LRRTM4: variants seen among roughly 807,000 people sequenced by gnomAD.
LRRTM4 encodes the protein leucine-rich repeat transmembrane neuronal protein 4.
Under a neutral mutation model 47.6 loss-of-function variants are expected in LRRTM4, and 25 were observed. That is an observed-to-expected ratio of 0.53 (90% confidence interval 0.38 to 0.73). The LOEUF is 0.73. Among genes scored for constraint, LRRTM4 ranks in the 30% least tolerant of loss-of-function variants. The pLI, the probability that LRRTM4 is intolerant of heterozygous loss-of-function variation, is 0.00. For synonymous variants in LRRTM4, 311 were observed against 269.5 expected (o/e 1.15, Z -1.51); for missense variants, 638 against 713.4 (o/e 0.89, Z 1.20).
At chr2:77,232,435 C>T (rs192419254) in intron 3 of LRRTM4, among the ~76,000 whole-genome samples, 115 of 152,336 alleles carry the variant, frequency 7.5e-4, no homozygotes, top group Middle Eastern at 6.8e-3. Context: ...CAGGCAAGCG[C>T]TACAGAGCAT....
At chr2:76,837,365 T>G (rs75088183) in intron 3 of LRRTM4, among the ~76,000 whole-genome samples, 38,364 of 151,770 alleles carry the variant, frequency 0.25, 5,217 homozygotes, top group East Asian at 0.4. Context: ...AGGGTTTTTT[T>G]TGTCTCTATT....
At chr2:76,983,436 A>G (rs1676682158) in intron 3 of LRRTM4, among the ~76,000 whole-genome samples, 1 of 151,924 alleles carries the variant, frequency 6.6e-6, no homozygotes, top group Non-Finnish European at 1.5e-5. Context: ...GGTAGTGAAT[A>G]AGTCTCAGGA....
intron 3 of LRRTM4, among the ~76,000 whole-genome samples, chr2:77,367,618 G>A (rs1190610795): frequency 6.6e-6 from 1 of 151,730 alleles, no homozygotes; most frequent in Non-Finnish European, 1.5e-5. Flanking sequence ...TACTCTTTCT[G>A]AGCATTCCAA....
chr2:77,449,027 C>T (rs1471642832), intron 3 of LRRTM4, among the ~76,000 whole-genome samples: 1 of 152,078 alleles, frequency 6.6e-6, no homozygotes, highest in Non-Finnish European at 1.5e-5. Flanking sequence ...TGACATGCAT[C>T]ATGATTCCTA....
chr2:77,492,436 T>G (rs1332123020), intron 3 of LRRTM4, among the ~76,000 whole-genome samples: 1 of 152,058 alleles, frequency 6.6e-6, no homozygotes, highest in Admixed American at 6.6e-5. Flanking sequence ...TCTTTTAATT[T>G]TGTGTGGAGA....
chr2:76,763,364 G>C (rs890029187), intron 3 of LRRTM4, among the ~76,000 whole-genome samples: 2 of 152,194 alleles, frequency 1.3e-5, no homozygotes, highest in Admixed American at 6.5e-5. Flanking sequence ...GTGGGTTCCT[G>C]ATCTGCTAGA....
intron 3 of LRRTM4, among the ~76,000 whole-genome samples, chr2:77,115,367 A>G (rs1169514806): frequency 6.6e-6 from 1 of 152,154 alleles, no homozygotes; most frequent in Non-Finnish European, 1.5e-5. Context: ...TAGATTTCAT[A>G]TTGTTCGAAC....
At chr2:76,796,279 A>G (rs1160879295) in intron 3 of LRRTM4, among the ~76,000 whole-genome samples, 2 of 73,522 alleles carry the variant, frequency 2.7e-5, no homozygotes, top group East Asian at 9.4e-4. Context: ...TAGGTAAACA[A>G]AGCAGCCAGG....
chr2:76,985,761 A>G (rs570042130), intron 3 of LRRTM4, among the ~76,000 whole-genome samples: 20 of 151,960 alleles, frequency 1.3e-4, no homozygotes, highest in Non-Finnish European at 2.1e-4. Flanking sequence ...TTTGAATGGC[A>G]TTGTGTTTGT....
intron 3 of LRRTM4, among the ~76,000 whole-genome samples, chr2:76,987,907 T>G (rs13398903): frequency 0.013 from 2,023 of 151,968 alleles, 36 homozygotes; most frequent in African/African-American, 0.046. Context: ...GAGCTGAATA[T>G]TGGTGAGTAC....
intron 3 of LRRTM4, among the ~76,000 whole-genome samples, chr2:77,155,856 A>T (rs1157200812): frequency 6.6e-6 from 1 of 152,138 alleles, no homozygotes; most frequent in East Asian, 1.9e-4. Context: ...ACAGTAAAAA[A>T]TATCTATCAC....
intron 3 of LRRTM4, among the ~76,000 whole-genome samples, chr2:77,510,888 T>A (rs926832476): frequency 6.6e-6 from 1 of 152,056 alleles, no homozygotes; most frequent in African/African-American, 2.4e-5. Flanking sequence ...CGTCTGACCA[T>A]TTTATTTTAA....
chr2:76,768,386 T>C (rs1435545171), intron 3 of LRRTM4, among the ~76,000 whole-genome samples: 1 of 152,128 alleles, frequency 6.6e-6, no homozygotes, highest in South Asian at 2.1e-4. Context: ...TGAGTGAAAT[T>C]AGATTTTTTC....
intron 3 of LRRTM4, among the ~76,000 whole-genome samples, chr2:77,429,494 T>C (rs143871542): frequency 6.6e-5 from 10 of 152,192 alleles, no homozygotes; most frequent in African/African-American, 2.2e-4. Flanking sequence ...TGTGATACTA[T>C]ACACAATGAA....
Position 77,002,914 on chromosome 2 carries a change from T to C in LRRTM4, c.1552-253998A>G, listed in dbSNP as rs141168300. 2.6e-3 allele frequency among the ~76,000 whole-genome samples: 397 copies of C among 152,270 alleles called. 6 individuals are homozygous for C. Among genetic ancestry groups the C allele is most frequent in the African/African-American group, 8.2e-3 (339 of 41,568 alleles). On this transcript the variant is annotated intron_variant, in intron 3 of 3. Transcript: ENST00000409884. ...CTTAATAATATTTTAATTTATTCTA[T>C]TCATTTTTACTTGTTTGCTAGTTTT...
chr2:77,032,029 G>C (rs1217065161), intron 3 of LRRTM4, among the ~76,000 whole-genome samples: 4 of 151,962 alleles, frequency 2.6e-5, no homozygotes, highest in Non-Finnish European at 5.9e-5. Context: ...TCTGATCTTT[G>C]TTCACCTCCT....
At chr2:77,137,393 G>T (rs530302925) in intron 3 of LRRTM4, among the ~76,000 whole-genome samples, 1 of 151,870 alleles carries the variant, frequency 6.6e-6, no homozygotes, top group South Asian at 2.1e-4. Flanking sequence ...AAGTGAAGGA[G>T]AAATAAAATC....
chr2:77,032,910 T>C (rs1459946412), intron 3 of LRRTM4, among the ~76,000 whole-genome samples: 2 of 152,094 alleles, frequency 1.3e-5, no homozygotes, highest in African/African-American at 4.8e-5. Context: ...TAATTGCCTA[T>C]TACACCATAC....
rs73943810 is a variant in LRRTM4, at chr2:77,270,858, T to G, written c.1551+247460A>C. On this transcript the variant is annotated intron_variant, in intron 3 of 3. Coordinates refer to ENST00000409884, the MANE Select transcript of LRRTM4 (RefSeq NM_001134745.3). ...ACCTATTTCATGTGTAACTACCTTT[T>G]TCTAATTGGTTTTCTACACTGCCGT... Among the ~76,000 whole-genome samples the G allele has an allele frequency of 3.1e-3, 467 of 152,344 alleles. 2 individuals are homozygous for G. Among genetic ancestry groups the G allele is most frequent in the African/African-American group, 0.011 (443 of 41,596 alleles).
Sources: allele counts gnomAD v4.1 joint callset (sites outside exome capture counted in the v4.1 genomes callset), GRCh38; gene constraint gnomAD v4.1.1; transcripts MANE v1.5; gene names NCBI Gene and HGNC (gene_info 2026-07-23, HGNC 2026-07-21).